Variants in CSMD1 observed in about 807,000 individuals in gnomAD.
The protein encoded by CSMD1 is CUB and sushi domain-containing protein 1.
In CSMD1, 213 loss-of-function variants were observed where a neutral mutation model predicts 417.5. That is an observed-to-expected ratio of 0.51 (90% CI 0.46 to 0.57). CSMD1 has a LOEUF of 0.57. CSMD1 is among the 20% of genes least tolerant of loss of function. The pLI is 0.00. For missense variants in CSMD1, 6,923 were observed against 4,529.7 expected (o/e 1.53, Z -15.17); for synonymous variants, 2,862 against 1,736.8 (o/e 1.65, Z -16.11).
rs369451688 is a variant in CSMD1 at position 3,199,723 on chromosome 8, C to G, written c.5185G>C (p.Val1729Leu). 3.7e-5 allele frequency: 59 copies of G among 1,583,998 alleles called. No individual in the cohort carries two copies. The highest frequency in any genetic ancestry group is 2.0e-4 in the African/African-American group (15 of 74,382). ...GTGGAGTGACGCTTACCTTGATACACGAAGTGGAAGCCGCGGGCAGAGGCA... is the reference window on the plus strand; with the variant it reads ...GTGGAGTGACGCTTACCTTGATACAGGAAGTGGAAGCCGCGGGCAGAGGCA... ...SGASARGFHF[V>L]YQAVPRTSDT... Residue 1729 changes from valine to leucine, a missense_variant, in exon 33 of 70, where the codon GTG (valine) becomes CTG (leucine). Physicochemically the swap from Val to Leu is conservative, Grantham distance 32. Transcript: ENST00000635120.
At chr8:3,586,067 G>C in intron 9 of CSMD1, 69 bp downstream of exon 9, 1 of 1,506,068 alleles carries the variant, frequency 6.6e-7, no homozygotes, top group Middle Eastern at 1.7e-4. Context: ...TGCTTAAATT[G>C]TATATTCATA....
chr8:4,985,961 G>C (rs1811157354), intron 1 of CSMD1, among the ~76,000 whole-genome samples: 1 of 152,160 alleles, frequency 6.6e-6, no homozygotes, highest in Non-Finnish European at 1.5e-5. Context: ...TTGTAAAAAT[G>C]TGACTCTTCT....
chr8:4,203,259 G>C (rs910860804), intron 3 of CSMD1, among the ~76,000 whole-genome samples: 1 of 152,172 alleles, frequency 6.6e-6, no homozygotes, highest in South Asian at 2.1e-4. Flanking sequence ...GCAGCCTGCA[G>C]AAGACTGCCC....
intron 7 of CSMD1, among the ~76,000 whole-genome samples, chr8:3,692,108 G>A (rs1417156359): frequency 1.3e-5 from 2 of 152,126 alleles, no homozygotes; most frequent in Non-Finnish European, 2.9e-5. Context: ...ATCTGGAGAG[G>A]CCTGGGGAAG....
At chr8:3,916,909 A>T (rs1225233865) in intron 5 of CSMD1, among the ~76,000 whole-genome samples, 1 of 59,106 alleles carries the variant, frequency 1.7e-5, no homozygotes, top group African/African-American at 4.1e-5. Flanking sequence ...GAGACATATT[A>T]AAAAAAATAA....
rs75647331 is a variant in CSMD1 at position 3,120,312 on chromosome 8, G to A, written c.6242-1725C>T. Among the ~76,000 whole-genome samples the A allele has an allele frequency of 1.1e-4, 16 of 152,268 alleles. No individual in the cohort carries two copies. The South Asian group carries it at 2.3e-3, about 22-fold the overall frequency. ...GAATCAGTCTGTGTTTTATATTAAA[G>A]CAATTGGACATCAACATAAAGATAA... On this transcript the variant is annotated intron_variant, in intron 41 of 69. Transcript: ENST00000635120.
chr8:4,446,767 G>A (rs199577052), intron 2 of CSMD1, among the ~76,000 whole-genome samples: 8 of 101,894 alleles, frequency 7.9e-5, no homozygotes, highest in African/African-American at 3.9e-4. Context: ...GTGTGTGTGT[G>A]TGTGTGTGTG....
rs1429257437 is a variant in CSMD1, at chr8:4,855,304, A to G, written c.85+139028T>C. Among the ~76,000 whole-genome samples the G allele has an allele frequency of 3.9e-5, 6 of 152,014 alleles. No individual in the cohort carries two copies. The East Asian group carries it at 1.2e-3, about 30-fold the overall frequency. ...AAGACCAAAAGTAGATAAAACCACA[A>G]AGATGGGGAAAAAACAGAACAGAAA... is the stretch of plus-strand genomic sequence containing the variant. On this transcript the variant is annotated intron_variant, in intron 1 of 69. Coordinates refer to ENST00000635120, the MANE Select transcript of CSMD1 (RefSeq NM_033225.6).
Position 4,253,881 on chromosome 8 carries a change from A to T in CSMD1, c.415+166072T>A, listed in dbSNP as rs1803255789. 1.3e-5 allele frequency among the ~76,000 whole-genome samples: 2 copies of T among 150,160 alleles called. 1 individual carries two copies. The highest frequency in any genetic ancestry group is 4.2e-4 in the South Asian group (2 of 4,738). On this transcript the variant is annotated intron_variant, in intron 3 of 69. Transcript: ENST00000635120. ...TCCTGCTGGTCTTATCTACAAAGAG[A>T]CACTACGTTCGTTATTTCCTTCCAT...
At chr8:2,979,073 G>T (rs561804036) in intron 54 of CSMD1, among the ~76,000 whole-genome samples, 1 of 152,288 alleles carries the variant, frequency 6.6e-6, no homozygotes, top group South Asian at 2.1e-4. Context: ...CGTAAATTCT[G>T]AAGTTAGTTT....
At chr8:3,986,590 A>G (rs1213923666) in intron 5 of CSMD1, among the ~76,000 whole-genome samples, 1 of 151,918 alleles carries the variant, frequency 6.6e-6, no homozygotes, top group Non-Finnish European at 1.5e-5. Context: ...CTAATTATTT[A>G]TTTTTTCCCA....
chr8:3,267,565 G>A (rs1801526189), intron 26 of CSMD1, among the ~76,000 whole-genome samples: 1 of 152,116 alleles, frequency 6.6e-6, no homozygotes, highest in Non-Finnish European at 1.5e-5. Context: ...CCAGCACAAG[G>A]GAATGTAACA....
intron 5 of CSMD1, among the ~76,000 whole-genome samples, chr8:3,769,515 T>A (rs1798461539): frequency 6.9e-6 from 1 of 145,968 alleles, no homozygotes; most frequent in Non-Finnish European, 1.5e-5. Flanking sequence ...AGAAAAAATA[T>A]AATATCATTA....
intron 3 of CSMD1, among the ~76,000 whole-genome samples, chr8:4,350,965 A>C (rs1041863303): frequency 1.3e-5 from 2 of 152,106 alleles, no homozygotes; most frequent in African/African-American, 4.8e-5. Context: ...TCATCGTTTA[A>C]AGCTTCTTTT....
intron 1 of CSMD1, among the ~76,000 whole-genome samples, chr8:4,692,744 C>G (rs750269770): frequency 2.0e-5 from 3 of 152,178 alleles, no homozygotes; most frequent in Non-Finnish European, 4.4e-5. Flanking sequence ...AGGATGATCT[C>G]ACATCATGCC....
chr8:4,675,237 C>A (rs2725017), intron 1 of CSMD1, among the ~76,000 whole-genome samples: 73,635 of 152,012 alleles, frequency 0.48, 18,063 homozygotes, highest in Admixed American at 0.59. Context: ...ATACACCATG[C>A]AGTATTTAAA....
In CSMD1 at chr8:3,408,166, C is replaced by G. The variant is rs2116906406; in HGVS notation, c.1804G>C (p.Glu602Gln). 8 of 1,612,926 alleles carry G rather than the reference C, an allele frequency of 5.0e-6. No individual in the cohort carries two copies. The highest frequency in any genetic ancestry group is 4.5e-5 in the East Asian group (2 of 44,850). The change falls in exon 14 of 70, where the codon GAG (glutamate) becomes CAG (glutamine). Residue 602 changes from glutamate to glutamine, a missense_variant. Coordinates refer to ENST00000635120, the MANE Select transcript of CSMD1 (RefSeq NM_033225.6). ...CAGTTCATGTTGTTCCCATATTCCT[C>G]TGGATAATTTGGTGACAGAATAATC... ...SGIILSPNYP[E>Q]EYGNNMNCVW... is the part of the protein sequence containing the mutation.
At chr8:4,069,630 C>A (rs891782104) in intron 3 of CSMD1, among the ~76,000 whole-genome samples, 1 of 152,192 alleles carries the variant, frequency 6.6e-6, no homozygotes, top group South Asian at 2.1e-4. Context: ...GTATTCCCCT[C>A]AAGCCTCTGC....
At chr8:3,950,462 G>C (rs953858762) in intron 5 of CSMD1, among the ~76,000 whole-genome samples, 1 of 152,196 alleles carries the variant, frequency 6.6e-6, no homozygotes, top group East Asian at 1.9e-4. Context: ...GAGTGGTTCA[G>C]CTGCTAATGC....
Sources: gnomAD v4.1 joint callset for allele counts (sites outside exome capture counted in the v4.1 genomes callset) on GRCh38, gnomAD v4.1.1 for gene constraint, MANE v1.5 for transcripts, NCBI Gene and HGNC (gene_info 2026-07-23, HGNC 2026-07-21) for gene names.